Variants in CHRM3 observed in about 807,000 individuals in gnomAD.
CHRM3 encodes the protein muscarinic acetylcholine receptor M3.
Under a neutral mutation model 41.8 loss-of-function variants are expected in CHRM3, and 11 were observed. That is an observed-to-expected ratio of 0.26 (90% CI 0.17 to 0.44). The LOEUF is 0.44. Ranked by LOEUF, CHRM3 falls within the 20% of genes least tolerant of loss-of-function variation. The pLI is 1.00. For missense variants in CHRM3, 571 were observed against 745.4 expected (o/e 0.77, Z 2.72); for synonymous variants, 297 against 301.4 (o/e 0.99, Z 0.15).
chr1:239,761,569 C>G (rs1666774662), intron 5 of CHRM3, among the ~76,000 whole-genome samples: 1 of 152,132 alleles, frequency 6.6e-6, no homozygotes, highest in Non-Finnish European at 1.5e-5. Context: ...CTTTTCTAGG[C>G]CTGCTTTTTA....
chr1:239,873,021 T>A (rs1676725750), intron 6 of CHRM3, among the ~76,000 whole-genome samples: 1 of 152,010 alleles, frequency 6.6e-6, no homozygotes, highest in African/African-American at 2.4e-5. Flanking sequence ...ATGACCCCAA[T>A]ACAGAAATTG....
At chr1:239,887,946 T>C (rs747783038) in intron 6 of CHRM3, among the ~76,000 whole-genome samples, 5 of 152,228 alleles carry the variant, frequency 3.3e-5, no homozygotes, top group Non-Finnish European at 7.3e-5. Context: ...CTGTCCCTGA[T>C]TTGTAATATA....
chr1:239,829,223 T>G (rs1322111839), intron 6 of CHRM3, among the ~76,000 whole-genome samples: 7 of 152,164 alleles, frequency 4.6e-5, no homozygotes, highest in Non-Finnish European at 1.0e-4. Context: ...GTGGGAATTT[T>G]GGCCCTTCTG....
intron 6 of CHRM3, among the ~76,000 whole-genome samples, chr1:239,859,848 T>TATATATATATATAG: frequency 7.5e-6 from 1 of 133,420 alleles, no homozygotes; most frequent in African/African-American, 2.6e-5. Flanking sequence ...TATATATATA[T>TATATATATATATAG]ATAGTCATTT....
intron 5 of CHRM3, among the ~76,000 whole-genome samples, chr1:239,761,154 T>C (rs1157799115): frequency 6.6e-6 from 1 of 152,216 alleles, no homozygotes; most frequent in Admixed American, 6.5e-5. Context: ...TCTTCAGCAG[T>C]TTCAAAATAT....
intron 1 of CHRM3, among the ~76,000 whole-genome samples, chr1:239,475,992 A>G (rs970622327): frequency 3.3e-5 from 5 of 152,166 alleles, no homozygotes; most frequent in Non-Finnish European, 7.4e-5. Flanking sequence ...ATGACCTTCT[A>G]GTATAAGGTA....
At chr1:239,766,105 C>T (rs913207998) in intron 5 of CHRM3, among the ~76,000 whole-genome samples, 75 of 152,104 alleles carry the variant, frequency 4.9e-4, no homozygotes, top group African/African-American at 1.5e-3. Flanking sequence ...TGAGACACCG[C>T]GCCCGGCCAT....
chr1:239,768,005 T>A (rs376404027), intron 5 of CHRM3, among the ~76,000 whole-genome samples: 1 of 152,250 alleles, frequency 6.6e-6, no homozygotes. Context: ...AATAGCAATG[T>A]TCTAAAGAAC....
At chr1:239,490,097 G>A (rs1176359858) in intron 1 of CHRM3, among the ~76,000 whole-genome samples, 5 of 152,190 alleles carry the variant, frequency 3.3e-5, no homozygotes, top group African/African-American at 1.2e-4. Context: ...ATAAACAAAT[G>A]TTGCATACTA....
intron 5 of CHRM3, among the ~76,000 whole-genome samples, chr1:239,788,585 G>T (rs1252386330): frequency 6.6e-6 from 1 of 152,072 alleles, no homozygotes; most frequent in Admixed American, 6.6e-5. Flanking sequence ...GAGCAACATG[G>T]TGAAACCCCA....
At chr1:239,442,402 C>T (rs1041876940) in intron 1 of CHRM3, among the ~76,000 whole-genome samples, 19 of 151,994 alleles carry the variant, frequency 1.3e-4, no homozygotes, top group African/African-American at 4.1e-4. Flanking sequence ...CCGCTGCACC[C>T]GGCCAAAATA....
chr1:239,773,443 C>G (rs1667846133), intron 5 of CHRM3, among the ~76,000 whole-genome samples: 1 of 152,080 alleles, frequency 6.6e-6, no homozygotes, highest in Non-Finnish European at 1.5e-5. Flanking sequence ...ACTACTTAAC[C>G]CTGGCATTAA....
intron 4 of CHRM3, among the ~76,000 whole-genome samples, chr1:239,637,983 A>G (rs1455789901): frequency 7.3e-6 from 1 of 137,746 alleles, no homozygotes; most frequent in African/African-American, 2.7e-5. Flanking sequence ...TCATTGTTCA[A>G]TTCCCACCTA....
At chr1:239,632,915 C>T (rs978771926) in intron 4 of CHRM3, among the ~76,000 whole-genome samples, 3 of 152,146 alleles carry the variant, frequency 2.0e-5, no homozygotes, top group Non-Finnish European at 2.9e-5. Flanking sequence ...TCTACATGGC[C>T]GGGAAGGCCT....
rs142992637 is a variant in CHRM3, at chr1:239,797,252, T to C, written c.-146-30000T>C. The stretch of plus-strand genomic sequence containing the variant: ...GCTAAAACATTACCTACTGGGTATA[T>C]GTTCACTGTTTGGGCAATGAGTTCC... On this transcript the variant is annotated intron_variant, in intron 5 of 6. Coordinates refer to ENST00000676153, the MANE Select transcript of CHRM3 (RefSeq NM_001375978.1). Among the ~76,000 whole-genome samples, 44 of 152,288 alleles carry C rather than the reference T, an allele frequency of 2.9e-4. No individual in the cohort carries two copies. In the East Asian group the frequency reaches 7.7e-3, roughly 27 times the overall value.
At chr1:239,768,751 C>A (rs946630157) in intron 5 of CHRM3, among the ~76,000 whole-genome samples, 1 of 144,358 alleles carries the variant, frequency 6.9e-6, no homozygotes, top group Non-Finnish European at 1.5e-5. Context: ...TCACTAGGAG[C>A]CAGAGTTAAA....
At chr1:239,768,141 CAG>C (rs1667367820) in intron 5 of CHRM3, among the ~76,000 whole-genome samples, 1 of 152,168 alleles carries the variant, frequency 6.6e-6, no homozygotes, top group Admixed American at 6.6e-5. Flanking sequence ...CAAGTCATCT[CAG>C]AGGCTTTAAT....
At chr1:239,797,176 A>T (rs1669846032) in intron 5 of CHRM3, among the ~76,000 whole-genome samples, 1 of 152,180 alleles carries the variant, frequency 6.6e-6, no homozygotes, top group Non-Finnish European at 1.5e-5. Context: ...TAAAGATGAG[A>T]ACAATAGACA....
At chr1:239,688,309 T>G (rs1419732186) in intron 5 of CHRM3, among the ~76,000 whole-genome samples, 1 of 147,018 alleles carries the variant, frequency 6.8e-6, no homozygotes, top group East Asian at 1.9e-4. Flanking sequence ...TTTATATATA[T>G]GTACGTATAG....
Sources: gnomAD v4.1 joint callset for allele counts (sites outside exome capture counted in the v4.1 genomes callset) on GRCh38, gnomAD v4.1.1 for gene constraint, MANE v1.5 for transcripts, NCBI Gene and HGNC (gene_info 2026-07-23, HGNC 2026-07-21) for gene names.